Variants in ANO4 observed in about 807,000 individuals in gnomAD.
ANO4 encodes the protein anoctamin-4.
Under a neutral mutation model 141.9 loss-of-function variants are expected in ANO4, and 69 were observed. That is an observed-to-expected ratio of 0.49 (90% CI 0.40 to 0.59). ANO4 has a LOEUF of 0.59. ANO4 is among the 20% of genes least tolerant of loss of function. ANO4 has a pLI of 0.00. For missense variants in ANO4, 894 were observed against 1,162.2 expected (o/e 0.77, Z 3.36); for synonymous variants, 350 against 394.3 (o/e 0.89, Z 1.33).
At chr12:100,803,076 G>A (rs1593369119) in intron 1 of ANO4, among the ~76,000 whole-genome samples, 1 of 152,164 alleles carries the variant, frequency 6.6e-6, no homozygotes, top group East Asian at 1.9e-4. Context: ...GGACATCAAA[G>A]CCCATTAGTA....
intron 5 of ANO4, among the ~76,000 whole-genome samples, chr12:100,943,894 T>C (rs1352709229): frequency 6.6e-6 from 1 of 152,176 alleles, no homozygotes; most frequent in Non-Finnish European, 1.5e-5. Flanking sequence ...CTTCTTTTAT[T>C]CTCATTCCTA....
intron 1 of ANO4, among the ~76,000 whole-genome samples, chr12:100,798,999 C>T (rs1052425414): frequency 6.6e-6 from 1 of 152,322 alleles, no homozygotes; most frequent in African/African-American, 2.4e-5. Context: ...GGGACCTCCT[C>T]TGAGTGTCAG....
rs549577933 is a variant in ANO4, at chr12:100,773,287, C to T, written c.358+33182C>T. On this transcript the variant is annotated intron_variant, in intron 3 of 29. Transcript: ENST00000644049. ...ATGCCTTGCCTTCAAATACCATCAC[C>T]TTAGGGTTTATGTTCTGTCTTATTT... 6.3e-4 allele frequency among the ~76,000 whole-genome samples: 96 copies of T among 152,308 alleles called. 2 individuals carry two copies. In the South Asian group the frequency reaches 0.02, roughly 31 times the overall value.
intron 22 of ANO4, among the ~76,000 whole-genome samples, chr12:101,107,419 A>C (rs1329032672): frequency 1.3e-5 from 2 of 152,190 alleles, no homozygotes; most frequent in Non-Finnish European, 2.9e-5. Flanking sequence ...AGTAAGTTTT[A>C]TGGTGGTGAG....
chr12:101,001,609 T>C (rs1040843249), intron 8 of ANO4, among the ~76,000 whole-genome samples: 16 of 152,152 alleles, frequency 1.1e-4, no homozygotes, highest in African/African-American at 1.9e-4. Context: ...CTGACATATA[T>C]TGACTGCCCA....
intron 14 of ANO4, among the ~76,000 whole-genome samples, chr12:101,064,892 T>C (rs994725601): frequency 3.9e-5 from 6 of 152,090 alleles, no homozygotes; most frequent in South Asian, 4.2e-4. Context: ...TGTGAATCAT[T>C]CCTTGTTTGG....
intron 14 of ANO4, among the ~76,000 whole-genome samples, chr12:101,051,670 G>A (rs2047878248): frequency 6.6e-6 from 1 of 152,190 alleles, no homozygotes; most frequent in South Asian, 2.1e-4. Context: ...TCTCCAGCAA[G>A]CTTTTAAAAA....
intron 1 of ANO4, among the ~76,000 whole-genome samples, chr12:100,861,888 C>T (rs899042471): frequency 6.6e-6 from 1 of 152,110 alleles, no homozygotes; most frequent in Non-Finnish European, 1.5e-5. Flanking sequence ...CAAACTCACA[C>T]ATTAGCGTAG....
intron 12 of ANO4, among the ~76,000 whole-genome samples, chr12:101,043,149 A>G (rs376891828): frequency 1.3e-5 from 2 of 152,326 alleles, no homozygotes; most frequent in African/African-American, 4.8e-5. Context: ...TGTTTTCCAT[A>G]TTAGTTTTAA....
Position 100,975,052 on chromosome 12 carries a change from A to G in ANO4, c.602+163A>G, listed in dbSNP as rs1169574759. On this transcript the variant is annotated intron_variant, in intron 7 of 27. Coordinates refer to ENST00000392977, the MANE Select transcript of ANO4 (RefSeq NM_001286615.2). ...AGCTGTGTCTGATTAGCCTGAGGAG[A>G]AAAAAAGATGAAAACGTCCCTCTCC... Among the ~76,000 whole-genome samples the G allele has an allele frequency of 3.9e-5, 6 of 152,102 alleles. No homozygotes were observed. The East Asian group carries it at 1.2e-3, about 29-fold the overall frequency.
At chr12:101,018,862 A>C (rs1163623964) in intron 8 of ANO4, among the ~76,000 whole-genome samples, 1 of 152,160 alleles carries the variant, frequency 6.6e-6, no homozygotes, top group East Asian at 1.9e-4. Context: ...CTATACTGTA[A>C]GCTTCTCAAG....
At chr12:101,097,265 C>A (rs1046868597) in intron 19 of ANO4, among the ~76,000 whole-genome samples, 2 of 152,060 alleles carry the variant, frequency 1.3e-5, no homozygotes, top group Admixed American at 6.6e-5. Context: ...TCCAGCAGCA[C>A]AAAATTCTAG....
At chr12:101,069,159 C>G in intron 14 of ANO4, 1 of 1,326,580 alleles carries the variant, frequency 7.5e-7, no homozygotes, top group Non-Finnish European at 1.1e-6. Flanking sequence ...ATTGAAATGT[C>G]TGAACTGGAA....
Position 101,128,480 on chromosome 12 carries a change from T to A in ANO4, c.*624T>A, listed in dbSNP as rs1365002772. On this transcript the variant is annotated 3_prime_UTR_variant, in exon 28 of 28. Coordinates refer to ENST00000392977, the MANE Select transcript of ANO4 (RefSeq NM_001286615.2). ...ATGTACATACAAATACAGAGATATATAAAGTACATAGAAATTCCTTACTTG... is the reference window on the plus strand; with the variant it reads ...ATGTACATACAAATACAGAGATATAAAAAGTACATAGAAATTCCTTACTTG... 6.6e-6 allele frequency: 1 copy of A among 152,648 alleles called. No individual in the cohort carries two copies. Among genetic ancestry groups the A allele is most frequent in the Non-Finnish European group, 1.5e-5 (1 of 68,042 alleles). 9.5% of individuals were successfully genotyped at this position (152,648 alleles called of 1,614,324 possible).
intron 1 of ANO4, among the ~76,000 whole-genome samples, chr12:100,896,049 A>G (rs2040334758): frequency 1.3e-5 from 2 of 152,094 alleles, no homozygotes; most frequent in African/African-American, 4.8e-5. Flanking sequence ...AGTGCATAAC[A>G]TCCCCAAGGA....
At chr12:101,102,494 A>G (rs562962946) in intron 22 of ANO4, among the ~76,000 whole-genome samples, 1 of 152,282 alleles carries the variant, frequency 6.6e-6, no homozygotes, top group Non-Finnish European at 1.5e-5. Context: ...ATATGCTTAT[A>G]GTTATTTGGA....
chr12:100,840,411 G>A (rs979496496), intron 1 of ANO4, among the ~76,000 whole-genome samples: 1 of 152,156 alleles, frequency 6.6e-6, no homozygotes, highest in African/African-American at 2.4e-5. Flanking sequence ...ATTGAAGGCA[G>A]TATGAAGCAG....
At chr12:100,825,909 A>C (rs988536705) in intron 1 of ANO4, among the ~76,000 whole-genome samples, 1 of 152,038 alleles carries the variant, frequency 6.6e-6, no homozygotes, top group Non-Finnish European at 1.5e-5. Context: ...TTAGCTATTA[A>C]TTTTTAAATA....
At chr12:101,079,148 T>C (rs895144496) in intron 14 of ANO4, 45 bp from the exon 15 acceptor site, 2 of 1,544,920 alleles carry the variant, frequency 1.3e-6, no homozygotes, top group African/African-American at 1.4e-5. Context: ...GAGCCTTGTT[T>C]TACTTTTATT....
Sources: gnomAD v4.1 joint callset for allele counts (sites outside exome capture counted in the v4.1 genomes callset) on GRCh38, gnomAD v4.1.1 for gene constraint, MANE v1.5 for transcripts, NCBI Gene and HGNC (gene_info 2026-07-23, HGNC 2026-07-21) for gene names.